The following ARR3 variants were observed in gnomAD, a reference collection of about 807,000 sequenced individuals.
ARR3 encodes arrestin-C.
ARR3 carries 14 observed loss-of-function variants against 35.4 expected under a neutral mutation model. The ratio of observed to expected loss-of-function variants is 0.40; its 90% CI spans 0.26 to 0.62. The LOEUF is 0.62. ARR3 is among the 20% of genes least tolerant of loss of function. The pLI is 0.46. For synonymous variants in ARR3, 97 were observed against 119.1 expected (o/e 0.81, Z 1.21); for missense variants, 259 against 303.8 (o/e 0.85, Z 1.10).
At chrX:70,274,748 A>G (rs1480004997) in intron 5 of ARR3, among the ~76,000 whole-genome samples, 1 of 112,082 alleles carries the variant, frequency 8.9e-6, no homozygotes, top group Non-Finnish European at 1.9e-5. Context: ...GTGTCCTCAC[A>G]TGGTGGAAGG....
Position 70,277,486 on chromosome X carries a change from T to C in ARR3, c.566T>C (p.Leu189Pro). The change falls in exon 9 of 17, where the codon CTG becomes CCG. Residue 189 changes from leucine to proline, a missense_variant. By Grantham distance (98) the Leu-to-Pro change is moderately conservative. Transcript: ENST00000307959. ...GCCCAGACCATCCGCCGCTTCCTTC[T>C]GTCAGCTCAGCCCCTACAACTCCAG... is the stretch of plus-strand genomic sequence containing the variant. ...PSAQTIRRFLLSAQPLQLQAW... is the reference protein window; with the variant it reads ...PSAQTIRRFLPSAQPLQLQAW... 8 of 1,211,675 alleles carry C rather than the reference T, an allele frequency of 6.6e-6. No homozygotes were observed. Among genetic ancestry groups the C allele is most frequent in the Non-Finnish European group, 8.9e-6 (8 of 895,359 alleles).
chrX:70,276,327 AAG>A, intron 6 of ARR3, 46 bp downstream of exon 6: 1 of 1,195,344 alleles, frequency 8.4e-7, no homozygotes, highest in Non-Finnish European at 1.1e-6. Flanking sequence ...AGGGAAGATT[AAG>A]AGAGGAAGCT....
chrX:70,279,811 G>C (rs1220454533), intron 12 of ARR3, among the ~76,000 whole-genome samples: 1 of 112,063 alleles, frequency 8.9e-6, no homozygotes, highest in Non-Finnish European at 1.9e-5. Flanking sequence ...ACACAGCATG[G>C]GCAAAGGCTA....
rs1355817249 is a variant in ARR3, at chrX:70,278,589, G to A, written c.853G>A (p.Ala285Thr). The A allele has an allele frequency of 3.3e-6, 4 of 1,211,583 alleles. No individual in the cohort carries two copies. In the South Asian group the frequency reaches 7.0e-5, roughly 21 times the overall value. The part of the protein sequence containing the change: ...LAASCQKRGL[A>T]LDGKLKHEDT... Reference sequence around the variant, plus strand: ...TGCCAGCTGCCAGAAACGGGGCCTGGCACTGGATGGCAAACTTAAGCATGA... The same window carrying A: ...TGCCAGCTGCCAGAAACGGGGCCTGACACTGGATGGCAAACTTAAGCATGA... The change falls in exon 12 of 17, where the codon GCA (alanine) becomes ACA (threonine). Residue 285 changes from alanine (A) to threonine (T), a missense_variant. Coordinates refer to ENST00000307959, the MANE Select transcript of ARR3 (RefSeq NM_004312.3).
At chrX:70,281,847 G>A (rs2085687624), downstream of ARR3, 3 of 819,161 alleles carry the variant, frequency 3.7e-6, no homozygotes, top group East Asian at 3.4e-5. Flanking sequence ...TGTGCCTAGC[G>A]ATCTCTTGCC....
Position 70,278,056 on chromosome X carries a change from G to T in ARR3, c.695-10G>T, listed in dbSNP as rs762082917. On this transcript the variant is annotated splice_polypyrimidine_tract_variant and intron_variant, in intron 10 of 16. Transcript: ENST00000307959. ...TGATTATAATCATGTGCTTTTCCTG[G>T]CTTGTTCAGTTGACCAGATCACAGA... 3.3e-6 allele frequency: 4 copies of T among 1,208,393 alleles called. No individual in the cohort carries two copies.
intron 5 of ARR3, among the ~76,000 whole-genome samples, chrX:70,275,667 T>C (rs1278045242): frequency 1.3e-5 from 1 of 79,789 alleles, no homozygotes; most frequent in African/African-American, 4.6e-5. Context: ...ATCTTTTTTT[T>C]TTTTTTTTTT....
In ARR3 at chrX:70,281,082, C is replaced by T. The variant is rs1199865510; in HGVS notation, c.1067-17C>T. Reference sequence around the variant, plus strand: ...CTTCAGCTCCATTTTTTCCCTCCGTCTCCATGCTTGCTACAGAGGCCGCTA... The same window carrying T: ...CTTCAGCTCCATTTTTTCCCTCCGTTTCCATGCTTGCTACAGAGGCCGCTA... On this transcript the variant is annotated splice_polypyrimidine_tract_variant and intron_variant, in intron 15 of 16. Transcript: ENST00000307959. 1.7e-6 allele frequency: 2 copies of T among 1,206,330 alleles called. No homozygotes were observed. Among genetic ancestry groups the T allele is most frequent in the Non-Finnish European group, 2.2e-6 (2 of 894,099 alleles).
At chrX:70,270,270 C>A in intron 5 of ARR3, 126 bp downstream of exon 5, 1 of 766,178 alleles carries the variant, frequency 1.3e-6, no homozygotes, top group Non-Finnish European at 1.9e-6. Context: ...TGGAGGCTGA[C>A]AACTGGGAAT....
At chrX:70,273,479 C>T (rs1206261057) in intron 5 of ARR3, among the ~76,000 whole-genome samples, 2 of 111,651 alleles carry the variant, frequency 1.8e-5, no homozygotes, top group Non-Finnish European at 3.8e-5. Context: ...GCCTGGGCCT[C>T]CCAAAGTGCT....
At chrX:70,274,968 T>C (rs774679078) in intron 5 of ARR3, among the ~76,000 whole-genome samples, 15 of 112,534 alleles carry the variant, frequency 1.3e-4, no homozygotes, top group African/African-American at 4.8e-4. Flanking sequence ...TTAACCTTGG[T>C]TTAGTATTCC....
chrX:70,271,805 A>G (rs780878955), intron 5 of ARR3, among the ~76,000 whole-genome samples: 53 of 112,187 alleles, frequency 4.7e-4, no homozygotes, highest in African/African-American at 1.6e-3. Context: ...TCAGACAATT[A>G]ACATATATTT....
chrX:70,269,923 G>A lies in ARR3; in HGVS notation c.100+20G>A. 1 of 1,202,778 alleles carries A rather than the reference G, an allele frequency of 8.3e-7. No individual in the cohort carries two copies. Among genetic ancestry groups the A allele is most frequent in the Non-Finnish European group, 1.1e-6 (1 of 889,632 alleles). Reference sequence around the variant, plus strand: ...CCATTGGTCAGTGAGTCCAAAAAAGGGAAGCCTGGGGAAAGAGGAATGGAA... The same window carrying A: ...CCATTGGTCAGTGAGTCCAAAAAAGAGAAGCCTGGGGAAAGAGGAATGGAA... On this transcript the variant is annotated intron_variant, in intron 4 of 16. Transcript: ENST00000307959.
At chrX:70,272,936 C>G (rs1375778644) in intron 5 of ARR3, among the ~76,000 whole-genome samples, 1 of 111,718 alleles carries the variant, frequency 9.0e-6, no homozygotes, top group Non-Finnish European at 1.9e-5. Context: ...TGGGTCAGAG[C>G]CCCTGATAGA....
At chrX:70,277,259 G>T (rs2085657232) in intron 8 of ARR3, 135 bp from the exon 9 acceptor site, 1 of 851,911 alleles carries the variant, frequency 1.2e-6, no homozygotes, top group Non-Finnish European at 1.6e-6. Context: ...TACATTAAGG[G>T]ACTAGAGGAG....
At chrX:70,281,270 T>C (rs933268585) in intron 16 of ARR3, 162 bp downstream of exon 16, 1 of 606,982 alleles carries the variant, frequency 1.6e-6, no homozygotes, top group East Asian at 3.6e-5. Flanking sequence ...GCTTTTCATA[T>C]GCCCTCCTTT....
At position 70,269,702 on chromosome X, in the gene ARR3, C is replaced by T. The variant is rs1033715441; in HGVS notation, c.39+10C>T. Reference sequence around the variant, plus strand: ...CAGCTCCAATGGGAAGGTGAGAGAACCTGGCCCAGCTGGGCAAATGAGAGG... The same window carrying T: ...CAGCTCCAATGGGAAGGTGAGAGAATCTGGCCCAGCTGGGCAAATGAGAGG... On this transcript the variant is annotated intron_variant, in intron 3 of 16. Transcript: ENST00000307959. The T allele has an allele frequency of 8.3e-7, 1 of 1,203,361 alleles. No homozygotes were observed. Among genetic ancestry groups the T allele is most frequent in the African/African-American group, 1.8e-5 (1 of 56,955 alleles).
At chrX:70,280,311 G>A (rs377160598) in intron 13 of ARR3, 33 bp downstream of exon 13, 1 of 1,168,131 alleles carries the variant, frequency 8.6e-7, no homozygotes, top group African/African-American at 1.8e-5. Flanking sequence ...TCTGGGCAGG[G>A]GCTGAAGAGT....
Position 70,276,033 on chromosome X carries a change from C to T in ARR3, c.146-49C>T. The T allele has an allele frequency of 2.6e-6, 3 of 1,165,846 alleles. No individual in the cohort carries two copies. In the South Asian group the frequency reaches 5.5e-5, roughly 21 times the overall value. On this transcript the variant is annotated intron_variant, in intron 5 of 16. Coordinates refer to ENST00000307959, the MANE Select transcript of ARR3 (RefSeq NM_004312.3). ...GTCTTCTTGACCCAGTTAAGATTCC[C>T]CTTCCCACTCAGGCCTGACAGACCA... is the stretch of plus-strand genomic sequence containing the variant.
Sources: allele counts gnomAD v4.1 joint callset (sites outside exome capture counted in the v4.1 genomes callset), GRCh38; gene constraint gnomAD v4.1.1; transcripts MANE v1.5; gene names NCBI Gene and HGNC (gene_info 2026-07-23, HGNC 2026-07-21).